The following JAK3 variants were observed in gnomAD, a reference collection of about 807,000 sequenced individuals.
The protein encoded by JAK3 is tyrosine-protein kinase JAK3.
Under a neutral mutation model 120.8 loss-of-function variants are expected in JAK3, and 88 were observed. That is an observed-to-expected ratio of 0.73 (90% confidence interval 0.61 to 0.87). The LOEUF (loss-of-function observed/expected upper bound fraction) is 0.87, where lower values mean the gene tolerates loss of function less well. Among genes scored for constraint, JAK3 ranks in the 40% least tolerant of loss-of-function variants. The probability of loss-of-function intolerance (pLI) is 0.00; values close to 1 mark genes in which losing one functional copy is unlikely to be tolerated. For missense variants in JAK3, 1,254 were observed against 1,501.4 expected (o/e 0.84, Z 2.72); for synonymous variants, 592 against 628.6 (o/e 0.94, Z 0.87).
At position 17,831,411 on chromosome 19, in the gene JAK3, G is replaced by T; in HGVS notation, c.2806-11C>A. The T allele has an allele frequency of 6.2e-7, 1 of 1,601,318 alleles. No individual in the cohort carries two copies. The highest frequency in any genetic ancestry group is 2.2e-5 in the East Asian group (1 of 44,854). ...CAGGTACTCCATGCCCTGCGGGCGGGCGGTGTGAGCGTGCAGAGAGGATCC... is the reference window on the plus strand; with the variant it reads ...CAGGTACTCCATGCCCTGCGGGCGGTCGGTGTGAGCGTGCAGAGAGGATCC... On this transcript the variant is annotated splice_polypyrimidine_tract_variant and intron_variant, in intron 20 of 23. Coordinates refer to ENST00000458235, the MANE Select transcript of JAK3 (RefSeq NM_000215.4). This position sits in a 1 kb window ranked among gnomAD's most constrained non-coding sequence, Gnocchi z 5.1.
chr19:17,824,945 C>T lies in JAK3; in HGVS notation c.*1798G>A. 1 of 221,072 alleles carries T rather than the reference C, an allele frequency of 4.5e-6. No homozygotes were observed. The highest frequency in any genetic ancestry group is 9.1e-6 in the Non-Finnish European group (1 of 110,332). The allele number at this position is 221,072 out of a possible 1,614,324, so 13.7% of individuals were successfully genotyped here. On this transcript the variant is annotated 3_prime_UTR_variant, in exon 24 of 24. Coordinates refer to ENST00000458235, the MANE Select transcript of JAK3 (RefSeq NM_000215.4). ...AGTGGGGCTGGAGGGAAGGACAGGG[C>T]TACAGTAGTAGTGGGGGTATATGAG...
chr19:17,844,085 G>A (rs1246809474), intron 2 of JAK3, 149 bp downstream of exon 2: 2 of 1,143,924 alleles, frequency 1.7e-6, no homozygotes, highest in Non-Finnish European at 2.5e-6. Flanking sequence ...AGCCAACCCT[G>A]CACACCCTTC....
rs199528928 is a variant in JAK3 at position 17,841,795 on chromosome 19, C to A, written c.862-33G>T. The A allele has an allele frequency of 2.2e-4, 349 of 1,599,164 alleles. No homozygotes were observed. The East Asian group carries it at 6.8e-3, about 31-fold the overall frequency. The stretch of plus-strand genomic sequence containing the variant: ...GGAGGGGGAGTACCGAAGTGGGGGC[C>A]CAGCTGGACCCCGCCAAACCACGCC... On this transcript the variant is annotated intron_variant, in intron 6 of 23. Coordinates refer to ENST00000458235, the MANE Select transcript of JAK3 (RefSeq NM_000215.4). This position sits in a 1 kb window ranked among gnomAD's most constrained non-coding sequence, Gnocchi z 4.1.
At chr19:17,837,857 T>G (rs2094228024) in intron 12 of JAK3, 75 bp downstream of exon 12, 1 of 1,604,432 alleles carries the variant, frequency 6.2e-7, no homozygotes, top group Non-Finnish European at 8.5e-7. Flanking sequence ...CCTGTGTGTT[T>G]TTAAATTTCT....
Position 17,844,430 on chromosome 19 carries a change from C to A in JAK3, c.-13G>T, listed in dbSNP as rs771165188. On this transcript the variant is annotated splice_region_variant and 5_prime_UTR_variant, in exon 2 of 24. Coordinates refer to ENST00000458235, the MANE Select transcript of JAK3 (RefSeq NM_000215.4). ...TTGGAGGTGCCATGAGTGCAACTTG[C>A]CTGGGGCACAGAGAGAAAAAGCCCC... The A allele has an allele frequency of 1.2e-6, 2 of 1,604,668 alleles. No homozygotes were observed. Among genetic ancestry groups the A allele is most frequent in the Admixed American group, 1.7e-5 (1 of 58,556 alleles).
In JAK3 at chr19:17,830,151, T is replaced by C. The variant is rs1373181728; in HGVS notation, c.3164A>G (p.Glu1055Gly). ...PALCRLLELL[E>G]EGQRLPAPPA... ...AGGCGCCGGCAGCCTCTGGCCCTCC[T>C]CCAGCAGTTCCAAGAGGCGGCAGAG... The change falls in exon 23 of 24, where the codon GAG becomes GGG. Residue 1055 changes from glutamate (E) to glycine (G), a missense_variant. Glu to Gly is a moderately conservative substitution (Grantham distance 98, BLOSUM62 -2). Around this residue, in one of 3 missense-constraint regions of JAK3, gnomAD observed 630 missense variants for 819.8 expected, o/e 0.77. Transcript: ENST00000458235. The C allele has an allele frequency of 3.1e-6, 5 of 1,594,998 alleles. No individual in the cohort carries two copies. In the Admixed American group the frequency reaches 6.9e-5, roughly 22 times the overall value.
Position 17,838,329 on chromosome 19 carries a change from C to A in JAK3, c.1503G>T (p.Gln501His), listed in dbSNP as rs201283129. 113 of 1,613,936 alleles carry A rather than the reference C, an allele frequency of 7.0e-5. No homozygotes were observed. The East Asian group carries it at 2.5e-3, about 35-fold the overall frequency. Residue 501 changes from glutamine (Q) to histidine (H), a missense_variant, in exon 11 of 24, where the codon CAG becomes CAT. By Grantham distance (24) the Gln-to-His change is conservative. Around this residue, in one of 3 missense-constraint regions of JAK3, gnomAD observed 486 missense variants for 503.0 expected, o/e 0.97. Transcript: ENST00000458235. ...GHSPPTSSLV[Q>H]PQSQYQLSQM... ...GACTCAGCTGGTATTGGGATTGGGGCTGAACCAAGGATGATGTGGGTGGGC... is the reference window on the plus strand; with the variant it reads ...GACTCAGCTGGTATTGGGATTGGGGATGAACCAAGGATGATGTGGGTGGGC...
Position 17,831,527 on chromosome 19 carries a change from G to A in JAK3, c.2806-127C>T. On this transcript the variant is annotated intron_variant, in intron 20 of 23. Coordinates refer to ENST00000458235, the MANE Select transcript of JAK3 (RefSeq NM_000215.4). The surrounding 1 kb of genome is among the most constrained non-coding windows in gnomAD (Gnocchi z 5.1). Reference sequence around the variant, plus strand: ...TACCCCCGAGCCATCCTCCACTGAAGTTCTGATCCTGAGCCCTAAGCCAAC... The same window carrying A: ...TACCCCCGAGCCATCCTCCACTGAAATTCTGATCCTGAGCCCTAAGCCAAC... 6.6e-7 allele frequency: 1 copy of A among 1,509,238 alleles called. No individual in the cohort carries two copies. The highest frequency in any genetic ancestry group is 9.0e-7 in the Non-Finnish European group (1 of 1,116,966). 93.5% of individuals were successfully genotyped at this position (1,509,238 alleles called of 1,614,324 possible).
At chr19:17,833,162 C>T (rs1331096294) in intron 17 of JAK3, among the ~76,000 whole-genome samples, 2 of 152,246 alleles carry the variant, frequency 1.3e-5, no homozygotes, top group African/African-American at 4.8e-5. Context: ...CACATGGCTA[C>T]AAAGATGGAG....
At chr19:17,828,415 CG>C (rs1195240199) in intron 23 of JAK3, among the ~76,000 whole-genome samples, 2 of 151,926 alleles carry the variant, frequency 1.3e-5, no homozygotes, top group Non-Finnish European at 2.9e-5. Context: ...GTCACCACAC[CG>C]GCTATTGCTT....
chr19:17,843,539 A>C lies in JAK3; in HGVS notation c.309-48T>G. On this transcript the variant is annotated intron_variant, in intron 3 of 23. Transcript: ENST00000458235. This position sits in a 1 kb window ranked among gnomAD's most constrained non-coding sequence, Gnocchi z 5.4. ...TGGGATGAAAGTGCAACCCAGCCTC[A>C]GTAGGAGTGACATTATGGTGGGGGC... 7.4e-7 allele frequency: 1 copy of C among 1,359,714 alleles called. No homozygotes were observed. Among genetic ancestry groups the C allele is most frequent in the Non-Finnish European group, 1.0e-6 (1 of 966,686 alleles). 84.2% of individuals were successfully genotyped at this position (1,359,714 alleles called of 1,614,324 possible).
rs201735857 is a variant in JAK3 at position 17,830,171 on chromosome 19, G to A, written c.3144C>T (p.Cys1048=). ...CCTCCTCCAGCAGTTCCAAGAGGCG[G>A]CAGAGGGCGGGGACATCCCGCTCAC... The part of the protein sequence containing the change: ...MGCERDVPAL[C]RLLELLEEGQ... Residue 1048 remains cysteine, a synonymous_variant, in exon 23 of 24, where the codon TGC becomes TGT. Coordinates refer to ENST00000458235, the MANE Select transcript of JAK3 (RefSeq NM_000215.4). 2.1e-5 allele frequency: 34 copies of A among 1,595,606 alleles called. No homozygotes were observed. The highest frequency in any genetic ancestry group is 2.6e-5 in the Non-Finnish European group (31 of 1,172,368).
chr19:17,835,816 C>A, intron 14 of JAK3, 108 bp downstream of exon 14: 3 of 1,451,478 alleles, frequency 2.1e-6, no homozygotes, highest in South Asian at 1.2e-5. Context: ...TCCCCTCGAA[C>A]CCTTACCAAA....
rs1411719647 is a variant in JAK3, at chr19:17,841,979, C to T, written c.862-217G>A. ...TCTGCCAATCCCCGCCTCCTTCTCT[C>T]TGCCGGACCCCGCCCCTTGATCCCT... On this transcript the variant is annotated intron_variant, in intron 6 of 23. Transcript: ENST00000458235. The surrounding 1 kb of genome is among the most constrained non-coding windows in gnomAD (Gnocchi z 4.1). 6.6e-6 allele frequency among the ~76,000 whole-genome samples: 1 copy of T among 151,896 alleles called. No homozygotes were observed. Among genetic ancestry groups the T allele is most frequent in the East Asian group, 1.9e-4 (1 of 5,156 alleles).
In JAK3 at chr19:17,837,167, T is replaced by G. The variant is rs958697344; in HGVS notation, c.1748A>C (p.His583Pro). Residue 583 changes from histidine to proline, a missense_variant, in exon 13 of 24, where the codon CAT (histidine) becomes CCT (proline). Around this residue, in one of 3 missense-constraint regions of JAK3, gnomAD observed 630 missense variants for 819.8 expected, o/e 0.77. Transcript: ENST00000458235. ...GCACACGCCGTGGAGCAGCACGAGATGCCGGTACGACACTTGGCTCATCAA... is the reference window on the plus strand; with the variant it reads ...GCACACGCCGTGGAGCAGCACGAGAGGCCGGTACGACACTTGGCTCATCAA... Reference protein sequence around the residue: ...ASLMSQVSYRHLVLLHGVCMA... With the variant: ...ASLMSQVSYRPLVLLHGVCMA... 6.4e-7 allele frequency: 1 copy of G among 1,569,616 alleles called. No homozygotes were observed. Among genetic ancestry groups the G allele is most frequent in the African/African-American group, 1.4e-5 (1 of 73,926 alleles).
At position 17,830,112 on chromosome 19, in the gene JAK3, G is replaced by T; in HGVS notation, c.3203C>A (p.Ala1068Asp). 6.3e-7 allele frequency: 1 copy of T among 1,575,848 alleles called. No homozygotes were observed. Among genetic ancestry groups the T allele is most frequent in the South Asian group, 1.2e-5 (1 of 85,986 alleles). ...QRLPAPPACP[A>D]EVHELMKLCW... The stretch of plus-strand genomic sequence containing the variant: ...GGCTAGCCCTGCGGCGCTCACCTCA[G>T]CAGGGCAGGCAGGAGGCGCCGGCAG... The change falls in exon 23 of 24, where the codon GCT (alanine) becomes GAT (aspartate). Residue 1068 changes from alanine (A) to aspartate (D), a missense_variant. Physicochemically the swap from Ala to Asp is moderately radical, Grantham distance 126 (BLOSUM62 -2). This residue lies in a region of JAK3 where 630 missense variants were observed against 819.8 expected (regional missense o/e 0.77). Transcript: ENST00000458235.
intron 2 of JAK3, 132 bp from the exon 3 acceptor site, chr19:17,844,032 G>A (rs1394661092): frequency 1.9e-5 from 24 of 1,267,658 alleles, no homozygotes; most frequent in Admixed American, 8.2e-5. Context: ...TTCATGTGCC[G>A]TCACACCTCT....
intron 1 of JAK3, among the ~76,000 whole-genome samples, chr19:17,845,448 C>T (rs1281564812): frequency 2.0e-5 from 3 of 151,918 alleles, no homozygotes; most frequent in Non-Finnish European, 2.9e-5. Flanking sequence ...AGCCACCGCG[C>T]CTGGCCGAGA....
Position 17,845,278 on chromosome 19 carries a change from G to A in JAK3, c.-13-848C>T, listed in dbSNP as rs3212709. Among the ~76,000 whole-genome samples the A allele has an allele frequency of 6.6e-3, 1,005 of 152,106 alleles. 9 individuals are homozygous for A. Among genetic ancestry groups the A allele is most frequent in the African/African-American group, 0.023 (940 of 41,486 alleles). On this transcript the variant is annotated intron_variant, in intron 1 of 23. Coordinates refer to ENST00000458235, the MANE Select transcript of JAK3 (RefSeq NM_000215.4). ...CGCCTCCCAAGTTCAAGAGATTCTC[G>A]TGCCTCAGCCACCCCAGTAGCTGGG...
Sources: allele counts gnomAD v4.1 joint callset (sites outside exome capture counted in the v4.1 genomes callset), GRCh38; gene constraint gnomAD v4.1.1; regional missense constraint gnomAD v4.1.1; non-coding constraint Gnocchi (gnomAD v3.1); transcripts MANE v1.5; gene names NCBI Gene and HGNC (gene_info 2026-07-23, HGNC 2026-07-21).